SHANK2: variants seen among roughly 807,000 people sequenced by gnomAD.
The protein encoded by SHANK2 is SH3 and multiple ankyrin repeat domains protein 2.
In SHANK2, 43 loss-of-function variants were observed where a neutral mutation model predicts 133.7. That is an observed-to-expected ratio of 0.32 (90% CI 0.25 to 0.41). The LOEUF (loss-of-function observed/expected upper bound fraction) is 0.41. SHANK2 is among the 10% of genes least tolerant of loss of function. The pLI is 1.00. For missense variants in SHANK2, 1,994 were observed against 2,235.8 expected (o/e 0.89, Z 2.18); for synonymous variants, 1,017 against 952.8 (o/e 1.07, Z -1.24).
chr11:70,518,855 C>A (rs1040432608), intron 17 of SHANK2, among the ~76,000 whole-genome samples: 1 of 152,214 alleles, frequency 6.6e-6, no homozygotes, highest in Non-Finnish European at 1.5e-5. Flanking sequence ...CTGGGAGCTG[C>A]AGAACGCTGA....
chr11:70,690,411 T>A (rs983775724), intron 15 of SHANK2, among the ~76,000 whole-genome samples: 13 of 151,264 alleles, frequency 8.6e-5, no homozygotes, highest in African/African-American at 3.1e-4. Flanking sequence ...ATTAGTACCC[T>A]TCTTCTCATA....
At chr11:70,916,251 C>T (rs1565404004) in intron 10 of SHANK2, among the ~76,000 whole-genome samples, 1 of 152,114 alleles carries the variant, frequency 6.6e-6, no homozygotes, top group Non-Finnish European at 1.5e-5. Context: ...CCCCATGCCC[C>T]GTGTAACAGT....
At chr11:70,575,708 G>C (rs1456613271) in intron 17 of SHANK2, among the ~76,000 whole-genome samples, 1 of 151,566 alleles carries the variant, frequency 6.6e-6, no homozygotes, top group Non-Finnish European at 1.5e-5. Flanking sequence ...TCAGGTGGTG[G>C]GTGGGGGGCG....
At chr11:70,659,703 G>T in intron 17 of SHANK2, 125 bp downstream of exon 17, 1 of 1,204,184 alleles carries the variant, frequency 8.3e-7, no homozygotes, top group Non-Finnish European at 1.2e-6. Flanking sequence ...ACCAATGAAA[G>T]TTCATGGCAG....
intron 17 of SHANK2, among the ~76,000 whole-genome samples, chr11:70,539,823 T>C (rs751066468): frequency 6.6e-6 from 1 of 152,194 alleles, no homozygotes; most frequent in Non-Finnish European, 1.5e-5. Context: ...GACGTTCATG[T>C]TCCTACAGTC....
At chr11:70,601,775 A>G (rs183239209) in intron 17 of SHANK2, among the ~76,000 whole-genome samples, 2 of 152,238 alleles carry the variant, frequency 1.3e-5, no homozygotes, top group Non-Finnish European at 2.9e-5. Context: ...CAGAAACATA[A>G]AAGATGCTCA....
At chr11:70,820,711 G>A (rs1555055758) in intron 11 of SHANK2, 29 bp from the exon 12 acceptor site, 1 of 642,294 alleles carries the variant, frequency 1.6e-6, no homozygotes, top group East Asian at 2.7e-5. Context: ...AGAGAGGCCG[G>A]TGAGTGCATC....
intron 10 of SHANK2, among the ~76,000 whole-genome samples, chr11:70,921,278 A>G (rs917113755): frequency 1.4e-4 from 22 of 152,226 alleles, no homozygotes; most frequent in Non-Finnish European, 1.5e-4. Context: ...CAAGGTTTGG[A>G]AAGAGGACAG....
chr11:70,598,043 T>C (rs1211721508), intron 17 of SHANK2, among the ~76,000 whole-genome samples: 1 of 152,204 alleles, frequency 6.6e-6, no homozygotes, highest in Non-Finnish European at 1.5e-5. Flanking sequence ...AGGGCAATGC[T>C]GTCCGCTAAC....
intron 11 of SHANK2, among the ~76,000 whole-genome samples, chr11:70,824,209 C>A (rs1948601480): frequency 6.6e-6 from 1 of 152,070 alleles, no homozygotes; most frequent in South Asian, 2.1e-4. Context: ...ACAGGGCAGC[C>A]CTGGAGACAG....
chr11:71,171,634 G>A (rs1008598731), intron 2 of SHANK2, among the ~76,000 whole-genome samples: 3 of 152,036 alleles, frequency 2.0e-5, no homozygotes, highest in Admixed American at 2.0e-4. Flanking sequence ...TATTGGATGG[G>A]CCCACCCATA....
chr11:70,940,710 G>A (rs1341726212), intron 10 of SHANK2, among the ~76,000 whole-genome samples: 8 of 152,284 alleles, frequency 5.3e-5, no homozygotes, highest in South Asian at 2.1e-4. Context: ...ACACCCTGAC[G>A]AGAGGGTGAA....
chr11:70,844,108 C>G (rs1408883426), intron 11 of SHANK2, among the ~76,000 whole-genome samples: 2 of 151,800 alleles, frequency 1.3e-5, no homozygotes, highest in Non-Finnish European at 2.9e-5. Flanking sequence ...TCCATCCATC[C>G]ACACACACCC....
At chr11:70,775,320 T>G (rs1249240568) in intron 14 of SHANK2, among the ~76,000 whole-genome samples, 1 of 152,016 alleles carries the variant, frequency 6.6e-6, no homozygotes, top group Admixed American at 6.6e-5. Context: ...GCTGGGGGCA[T>G]TGGCACGTGT....
intron 6 of SHANK2, among the ~76,000 whole-genome samples, chr11:71,103,307 T>C (rs781785511): frequency 1.3e-5 from 2 of 152,172 alleles, no homozygotes; most frequent in African/African-American, 2.4e-5. Context: ...AGGTCACCAA[T>C]AGACTGCAGC....
chr11:70,721,184 G>T (rs375417727), intron 14 of SHANK2, among the ~76,000 whole-genome samples: 8 of 152,190 alleles, frequency 5.3e-5, no homozygotes, highest in East Asian at 1.9e-4. Flanking sequence ...ACGCTCTGCT[G>T]CTCCTTCCCG....
Position 71,211,543 on chromosome 11 carries a change from A to T in SHANK2, c.-13+13154T>A, listed in dbSNP as rs147803723. 1.6e-3 allele frequency among the ~76,000 whole-genome samples: 240 copies of T among 152,166 alleles called. 1 individual carries two copies. Among genetic ancestry groups the T allele is most frequent in the African/African-American group, 5.1e-3 (210 of 41,498 alleles). ...ACAAAGCAAGATCCTGTCTCAAAAA[A>T]AAATAAATAAATACAATAAATAAAA... On this transcript the variant is annotated intron_variant, in intron 2 of 25. Coordinates refer to ENST00000601538, the MANE Select transcript of SHANK2 (RefSeq NM_012309.5).
intron 21 of SHANK2, among the ~76,000 whole-genome samples, chr11:70,493,807 C>T (rs916190692): frequency 4.6e-5 from 7 of 152,344 alleles, no homozygotes; most frequent in Non-Finnish European, 5.9e-5. Context: ...CCACCCTAAG[C>T]CCACTCTTGG....
intron 11 of SHANK2, among the ~76,000 whole-genome samples, chr11:70,854,142 A>G (rs1949132967): frequency 6.6e-6 from 1 of 152,194 alleles, no homozygotes; most frequent in African/African-American, 2.4e-5. Flanking sequence ...TCATATGTAC[A>G]CGCATTTACC....
Sources: allele counts gnomAD v4.1 joint callset (sites outside exome capture counted in the v4.1 genomes callset), GRCh38; gene constraint gnomAD v4.1.1; transcripts MANE v1.5; gene names NCBI Gene and HGNC (gene_info 2026-07-23, HGNC 2026-07-21).